ZNF274: variants seen among roughly 807,000 people sequenced by gnomAD.
ZNF274 encodes neurotrophin receptor-interacting factor homolog.
Under a neutral mutation model 42.5 loss-of-function variants are expected in ZNF274, and 23 were observed. The ratio of observed to expected loss-of-function variants is 0.54; its 90% CI spans 0.39 to 0.77. ZNF274 has a LOEUF of 0.77. Ranked by LOEUF, ZNF274 falls within the 30% of genes least tolerant of loss-of-function variation. The probability of loss-of-function intolerance (pLI) is 0.00; values close to 1 mark genes in which losing one functional copy is unlikely to be tolerated. For missense variants in ZNF274, 679 were observed against 806.5 expected (o/e 0.84, Z 1.91); for synonymous variants, 292 against 305.4 (o/e 0.96, Z 0.46).
intron 4 of ZNF274, among the ~76,000 whole-genome samples, chr19:58,192,653 T>G (rs2075791477): frequency 6.6e-6 from 1 of 152,192 alleles, no homozygotes; most frequent in Admixed American, 6.5e-5. Context: ...CCGAATATGA[T>G]GTAAATGCTG....
In ZNF274 at chr19:58,207,536, A is replaced by G. The variant is rs554230185; in HGVS notation, c.739+334A>G. 2.6e-5 allele frequency among the ~76,000 whole-genome samples: 4 copies of G among 152,358 alleles called. No homozygotes were observed. The highest frequency in any genetic ancestry group is 9.6e-5 in the African/African-American group (4 of 41,592). On this transcript the variant is annotated intron_variant, in intron 5 of 7. Coordinates refer to ENST00000617501, the MANE Select transcript of ZNF274 (RefSeq NM_133502.3). The surrounding 1 kb of genome is among the most constrained non-coding windows in gnomAD (Gnocchi z 5.6). ...GAGAGCCCGCAGTAGCAGGAGAGAC[A>G]GGGATTTGACAAATGAGAATGCATA...
At chr19:58,205,060 C>CTA (rs1306377639) in intron 4 of ZNF274, among the ~76,000 whole-genome samples, 1 of 152,168 alleles carries the variant, frequency 6.6e-6, no homozygotes, top group African/African-American at 2.4e-5. Context: ...GCTGTGTTAA[C>CTA]TATATTTGGT....
chr19:58,185,082 T>C (rs1229263888), intron 2 of ZNF274, among the ~76,000 whole-genome samples: 2 of 147,900 alleles, frequency 1.4e-5, no homozygotes, highest in Non-Finnish European at 3.0e-5. Context: ...ATGGCGCCAC[T>C]GCACTCCAGC....
chr19:58,209,747 G>A, intron 5 of ZNF274: 2 of 480,366 alleles, frequency 4.2e-6, no homozygotes, highest in East Asian at 7.6e-5. Context: ...CCCTTGGAGG[G>A]TGAGCCATCC....
intron 4 of ZNF274, among the ~76,000 whole-genome samples, chr19:58,205,823 G>A (rs1042290274): frequency 3.3e-5 from 5 of 152,152 alleles, no homozygotes; most frequent in African/African-American, 9.7e-5. Context: ...CCCCAGTGGA[G>A]GTTGGAGAAG....
intron 4 of ZNF274, among the ~76,000 whole-genome samples, chr19:58,201,202 G>A (rs1414158092): frequency 4.0e-5 from 6 of 148,986 alleles, no homozygotes; most frequent in Non-Finnish European, 8.9e-5. Context: ...TGTGGAGATG[G>A]GGTTTTGCCA....
intron 4 of ZNF274, among the ~76,000 whole-genome samples, chr19:58,203,358 C>T (rs1218275367): frequency 6.6e-6 from 1 of 152,078 alleles, no homozygotes; most frequent in Non-Finnish European, 1.5e-5. Context: ...CCGAGATGGA[C>T]GGATCACCTG....
chr19:58,206,485 T>A (rs1372626293), intron 4 of ZNF274, among the ~76,000 whole-genome samples: 1 of 152,222 alleles, frequency 6.6e-6, no homozygotes, highest in Non-Finnish European at 1.5e-5. Context: ...TTCTGAGGAT[T>A]TACCAACCTG....
At chr19:58,205,394 G>C (rs542728273) in intron 4 of ZNF274, among the ~76,000 whole-genome samples, 95 of 152,290 alleles carry the variant, frequency 6.2e-4, no homozygotes, top group African/African-American at 1.6e-3. Flanking sequence ...GCCAAGGCTG[G>C]AGTGCAGTGG....
intron 4 of ZNF274, among the ~76,000 whole-genome samples, chr19:58,200,781 C>T (rs1350406355): frequency 1.3e-5 from 2 of 152,028 alleles, no homozygotes; most frequent in Non-Finnish European, 1.5e-5. Flanking sequence ...TATGTTAGGC[C>T]GTTCTTAAAT....
intron 4 of ZNF274, among the ~76,000 whole-genome samples, chr19:58,201,705 C>T (rs1365420066): frequency 2.0e-5 from 3 of 151,764 alleles, no homozygotes; most frequent in African/African-American, 4.8e-5. Context: ...TTAGTAGAGA[C>T]GGGGTTTCAC....
At chr19:58,189,185 C>T (rs542109886) in intron 4 of ZNF274, among the ~76,000 whole-genome samples, 32 of 151,912 alleles carry the variant, frequency 2.1e-4, no homozygotes, top group African/African-American at 7.7e-4. Context: ...ATATCATATC[C>T]CAGACCATAT....
chr19:58,198,636 G>A lies in ZNF274; in HGVS notation c.257-8084G>A, dbSNP rs2075871976. Among the ~76,000 whole-genome samples, 3 of 152,068 alleles carry A rather than the reference G, an allele frequency of 2.0e-5. No homozygotes were observed. In the South Asian group the frequency reaches 6.2e-4, roughly 32 times the overall value. On this transcript the variant is annotated intron_variant, in intron 4 of 7. Coordinates refer to ENST00000617501, the MANE Select transcript of ZNF274 (RefSeq NM_133502.3). ...CCATAACTGTGATCATATGGAAATG[G>A]TAGCTCCTTCCTGTTGTGTCACTGC... is the stretch of plus-strand genomic sequence containing the variant.
intron 4 of ZNF274, among the ~76,000 whole-genome samples, chr19:58,195,795 C>T (rs1455011578): frequency 6.6e-6 from 1 of 152,142 alleles, no homozygotes; most frequent in African/African-American, 2.4e-5. Context: ...AAGGAACATG[C>T]AGCCTAGATC....
At position 58,211,790 on chromosome 19, in the gene ZNF274, A is replaced by C; in HGVS notation, c.979+104A>C. On this transcript the variant is annotated intron_variant, in intron 7 of 7. Coordinates refer to ENST00000617501, the MANE Select transcript of ZNF274 (RefSeq NM_133502.3). The surrounding 1 kb of genome is among the most constrained non-coding windows in gnomAD (Gnocchi z 4.8). ...TAGACTCCACACTGGGCATTCCCTC[A>C]AGGGGCCCTTGCTGCATCCAGGGCC... The C allele has an allele frequency of 6.9e-7, 1 of 1,456,652 alleles. No individual in the cohort carries two copies. Among genetic ancestry groups the C allele is most frequent in the Non-Finnish European group, 9.2e-7 (1 of 1,092,054 alleles). 90.2% of individuals were successfully genotyped at this position (1,456,652 alleles called of 1,614,324 possible). A position where few individuals can be genotyped will look rare whatever the true frequency, so the allele number is the denominator to read the frequency against.
intron 4 of ZNF274, among the ~76,000 whole-genome samples, chr19:58,193,456 T>G (rs1359144636): frequency 7.3e-6 from 1 of 136,502 alleles, no homozygotes; most frequent in East Asian, 2.1e-4. Flanking sequence ...TTTTTTTTTT[T>G]TTTTTTTTTT....
intron 4 of ZNF274, among the ~76,000 whole-genome samples, chr19:58,197,093 C>A (rs1011174276): frequency 6.6e-6 from 1 of 152,200 alleles, no homozygotes; most frequent in Non-Finnish European, 1.5e-5. Flanking sequence ...TTATGCATAG[C>A]TCCCTTATTC....
chr19:58,188,694 G>GTGTATATA (rs1555816897), intron 4 of ZNF274, among the ~76,000 whole-genome samples: 21 of 74,658 alleles, frequency 2.8e-4, no homozygotes, highest in African/African-American at 5.4e-4. Flanking sequence ...ATATGTATAT[G>GTGTATATA]TATATATATA....
At position 58,206,705 on chromosome 19, in the gene ZNF274, G is replaced by A. The variant is rs2146241456; in HGVS notation, c.257-15G>A. ...TGCTTGTTCTCATTTGTCTTGCTCTGCTTTTGACTTACAGAGTATCCTGAG... is the reference window on the plus strand; with the variant it reads ...TGCTTGTTCTCATTTGTCTTGCTCTACTTTTGACTTACAGAGTATCCTGAG... On this transcript the variant is annotated splice_polypyrimidine_tract_variant and intron_variant, in intron 4 of 7. Coordinates refer to ENST00000617501, the MANE Select transcript of ZNF274 (RefSeq NM_133502.3). 3.2e-6 allele frequency: 5 copies of A among 1,547,940 alleles called. No homozygotes were observed. Among genetic ancestry groups the A allele is most frequent in the Non-Finnish European group, 4.4e-6 (5 of 1,145,336 alleles).
Sources: allele counts gnomAD v4.1 joint callset (sites outside exome capture counted in the v4.1 genomes callset), GRCh38; gene constraint gnomAD v4.1.1; non-coding constraint Gnocchi (gnomAD v3.1); transcripts MANE v1.5; gene names NCBI Gene and HGNC (gene_info 2026-07-23, HGNC 2026-07-21).